The following CDK12 variants were observed in gnomAD, a reference collection of about 807,000 sequenced individuals.
The protein encoded by CDK12 is cyclin dependent kinase 12.
Under a neutral mutation model 133.8 loss-of-function variants are expected in CDK12, and 17 were observed. That is an observed-to-expected ratio of 0.13 (90% CI 0.09 to 0.19). CDK12 has a LOEUF of 0.19. CDK12 is among the 10% of genes least tolerant of loss of function. The pLI, the probability that CDK12 is intolerant of heterozygous loss-of-function variation, is 1.00. For missense variants in CDK12, 1,508 were observed against 1,818.7 expected (o/e 0.83, Z 3.11); for synonymous variants, 694 against 683.6 (o/e 1.02, Z -0.24).
chr17:39,520,197 C>T (rs1266435806), intron 11 of CDK12, 110 bp downstream of exon 11: 1 of 1,138,010 alleles, frequency 8.8e-7, no homozygotes, highest in Non-Finnish European at 1.3e-6. Context: ...GAAGAGGTGT[C>T]TTTGAGTATT....
intron 10 of CDK12, 76 bp from the exon 11 acceptor site, chr17:39,519,880 C>A: frequency 7.0e-6 from 11 of 1,565,052 alleles, no homozygotes; most frequent in South Asian, 2.3e-5. Context: ...AGGTGTGAGA[C>A]CCTTTGAAAC....
chr17:39,473,243 T>C (rs895863730), intron 2 of CDK12, among the ~76,000 whole-genome samples: 5 of 151,954 alleles, frequency 3.3e-5, no homozygotes, highest in Non-Finnish European at 7.4e-5. Flanking sequence ...GGGTCCAAAC[T>C]AGGATTATTT....
intron 1 of CDK12, among the ~76,000 whole-genome samples, chr17:39,541,436 C>T (rs7219683): frequency 0.05 from 7,553 of 150,286 alleles, 623 homozygotes; most frequent in African/African-American, 0.18. Context: ...GGCGCGATCT[C>T]GGCTCACTGC....
At chr17:39,465,633 C>T (rs897070632) in intron 1 of CDK12, among the ~76,000 whole-genome samples, 4 of 151,900 alleles carry the variant, frequency 2.6e-5, no homozygotes, top group Non-Finnish European at 2.9e-5. Flanking sequence ...GAATTACAAG[C>T]GCCCACCATC....
intron 3 of CDK12, among the ~76,000 whole-genome samples, chr17:39,558,324 G>A (rs569495521): frequency 1.3e-5 from 2 of 152,162 alleles, no homozygotes; most frequent in Non-Finnish European, 2.9e-5. Flanking sequence ...CAGGATGGAG[G>A]GGGGAGAGAT....
In CDK12 at chr17:39,485,063, G is replaced by A. The variant is rs529867387; in HGVS notation, c.1932-5494G>A. On this transcript the variant is annotated intron_variant, in intron 2 of 13. Transcript: ENST00000447079. ...TGGGTGCCTGTGGTCCCAGCTACTC[G>A]GGAGGCTGAGGCAGGAGAATGGCGT... Among the ~76,000 whole-genome samples, 21 of 151,590 alleles carry A rather than the reference G, an allele frequency of 1.4e-4. No individual in the cohort carries two copies. The East Asian group carries it at 3.7e-3, about 27-fold the overall frequency.
chr17:39,476,144 C>A (rs937991353), intron 2 of CDK12, among the ~76,000 whole-genome samples: 1 of 150,432 alleles, frequency 6.6e-6, no homozygotes, highest in African/African-American at 2.4e-5. Flanking sequence ...GAGATAGATT[C>A]TCTCTCCATA....
At chr17:39,516,755 C>G (rs2053835528) in intron 9 of CDK12, among the ~76,000 whole-genome samples, 2 of 151,046 alleles carry the variant, frequency 1.3e-5, no homozygotes, top group Admixed American at 1.3e-4. Context: ...CTCCACCTCC[C>G]AGGTTCAAGC....
In CDK12 at chr17:39,560,463, G is replaced by A. The variant is rs115199116; in HGVS notation, n.484+4050G>A. On this transcript the variant is annotated intron_variant and non_coding_transcript_variant, in intron 3 of 3. Transcript: ENST00000558240. Reference sequence around the variant, plus strand: ...GCACTACTATTATCTCCATTTTATAGATGTGGAAAATTGAGGCTCATGTTA... The same window carrying A: ...GCACTACTATTATCTCCATTTTATAAATGTGGAAAATTGAGGCTCATGTTA... Among the ~76,000 whole-genome samples, 1,083 of 152,278 alleles carry A rather than the reference G, an allele frequency of 7.1e-3. 17 individuals carry two copies. The highest frequency in any genetic ancestry group is 0.025 in the African/African-American group (1,029 of 41,540).
chr17:39,518,699 C>T (rs1415200143), intron 10 of CDK12, among the ~76,000 whole-genome samples: 1 of 152,026 alleles, frequency 6.6e-6, no homozygotes, highest in African/African-American at 2.4e-5. Context: ...GCTGGAATTA[C>T]AGGCACCCGC....
chr17:39,473,677 TCAG>T (rs963051473), intron 2 of CDK12, among the ~76,000 whole-genome samples: 1 of 151,976 alleles, frequency 6.6e-6, no homozygotes, highest in Non-Finnish European at 1.5e-5. Flanking sequence ...AATCATGAGG[TCAG>T]CAGTTCAAGA....
chr17:39,519,028 A>C (rs1381261715), intron 10 of CDK12, among the ~76,000 whole-genome samples: 1 of 151,576 alleles, frequency 6.6e-6, no homozygotes, highest in Non-Finnish European at 1.5e-5. Context: ...TAGCCTCCTG[A>C]GTAGCAAGGA....
intron 2 of CDK12, among the ~76,000 whole-genome samples, chr17:39,477,385 G>A (rs2145409517): frequency 6.6e-6 from 1 of 151,442 alleles, no homozygotes; most frequent in South Asian, 2.1e-4. Flanking sequence ...ACAGGCGCAT[G>A]CCACCATGCC....
At chr17:39,481,856 G>T (rs1217045798) in intron 2 of CDK12, among the ~76,000 whole-genome samples, 2 of 151,498 alleles carry the variant, frequency 1.3e-5, no homozygotes, top group East Asian at 3.9e-4. Flanking sequence ...AAGTAGCTGG[G>T]ATTACAGGCA....
chr17:39,539,703 C>T (rs2055318858), intron 1 of CDK12, among the ~76,000 whole-genome samples: 1 of 152,108 alleles, frequency 6.6e-6, no homozygotes, highest in South Asian at 2.1e-4. Context: ...GTCAACATAT[C>T]AATGCAGGTT....
chr17:39,496,402 T>TA (rs573681063), intron 5 of CDK12, among the ~76,000 whole-genome samples: 48 of 149,950 alleles, frequency 3.2e-4, no homozygotes, highest in Admixed American at 1.4e-3. Flanking sequence ...ATTTTCAGTT[T>TA]AAAAAAAAAA....
At chr17:39,472,777 A>G (rs1053232726) in intron 2 of CDK12, among the ~76,000 whole-genome samples, 1 of 152,022 alleles carries the variant, frequency 6.6e-6, no homozygotes, top group South Asian at 2.1e-4. Flanking sequence ...CAATAGTTAT[A>G]TAAATAACAT....
intron 5 of CDK12, 43 bp downstream of exon 5, chr17:39,494,737 A>G (rs1476387988): frequency 5.2e-6 from 7 of 1,338,622 alleles, no homozygotes; most frequent in East Asian, 5.1e-5. Flanking sequence ...GACTGGTCCA[A>G]TCTTTGCCTT....
upstream of CDK12, among the ~76,000 whole-genome samples, chr17:39,544,559 C>T (rs2055580198): frequency 6.6e-6 from 1 of 151,194 alleles, no homozygotes; most frequent in South Asian, 2.1e-4. Flanking sequence ...CTCACTTCAA[C>T]CTGCGCCTCC....
Sources: allele counts gnomAD v4.1 joint callset (sites outside exome capture counted in the v4.1 genomes callset), GRCh38; gene constraint gnomAD v4.1.1; transcripts MANE v1.5; gene names NCBI Gene and HGNC (gene_info 2026-07-23, HGNC 2026-07-21).